The following SFMBT1 variants were observed in gnomAD, a reference collection of about 807,000 sequenced individuals.
SFMBT1 encodes scm-like with four MBT domains protein 1.
In SFMBT1, 32 loss-of-function variants were observed where a neutral mutation model predicts 108.7. The observed-to-expected ratio is 0.29, with a 90% confidence interval of 0.22 to 0.40. The LOEUF (loss-of-function observed/expected upper bound fraction) is 0.40, where lower values mean the gene tolerates loss of function less well. Ranked by LOEUF, SFMBT1 falls within the 10% of genes least tolerant of loss-of-function variation. SFMBT1 has a pLI of 1.00. For synonymous variants in SFMBT1, 348 were observed against 369.5 expected (o/e 0.94, Z 0.67); for missense variants, 816 against 1,059.6 (o/e 0.77, Z 3.19).
chr3:52,972,646 G>A (rs562866264), intron 1 of SFMBT1, among the ~76,000 whole-genome samples: 7 of 151,852 alleles, frequency 4.6e-5, no homozygotes, highest in East Asian at 1.9e-4. Context: ...GGTGGCTCAC[G>A]CCTGTAATCC....
At chr3:52,956,001 T>A (rs920470428) in intron 2 of SFMBT1, among the ~76,000 whole-genome samples, 2 of 152,200 alleles carry the variant, frequency 1.3e-5, no homozygotes, top group Admixed American at 1.3e-4. Flanking sequence ...AGAAAGCTTA[T>A]CTACCACAAT....
intron 4 of SFMBT1, among the ~76,000 whole-genome samples, chr3:52,940,397 A>T (rs929540690): frequency 6.6e-6 from 1 of 152,252 alleles, no homozygotes; most frequent in Non-Finnish European, 1.5e-5. Flanking sequence ...AGGACATATT[A>T]AAAGGATACA....
intron 1 of SFMBT1, among the ~76,000 whole-genome samples, chr3:52,995,391 T>G (rs1698288409): frequency 6.7e-6 from 1 of 150,110 alleles, no homozygotes; most frequent in African/African-American, 2.4e-5. Flanking sequence ...TGGCAAAGAA[T>G]TTTTATTTTT....
intron 5 of SFMBT1, among the ~76,000 whole-genome samples, chr3:52,934,063 G>T (rs115506377): frequency 7.9e-5 from 12 of 151,990 alleles, no homozygotes; most frequent in African/African-American, 2.7e-4. Flanking sequence ...CTCCAAAAAG[G>T]ATACAGAAAT....
rs376921444 is a variant in SFMBT1 at position 52,930,313 on chromosome 3, G to A, written c.897+16C>T. On this transcript the variant is annotated intron_variant, in intron 8 of 20. Transcript: ENST00000394752. The stretch of plus-strand genomic sequence containing the variant: ...CTTGACAGGGATTCTTACCAAGAGA[G>A]TTATCTCCATTTTACCTTAACAACT... 8 of 1,464,328 alleles carry A rather than the reference G, an allele frequency of 5.5e-6. No individual in the cohort carries two copies. Among genetic ancestry groups the A allele is most frequent in the Non-Finnish European group, 7.7e-6 (8 of 1,043,568 alleles). 90.7% of individuals were successfully genotyped at this position (1,464,328 alleles called of 1,614,324 possible).
chr3:53,012,826 C>G (rs1487863612), intron 1 of SFMBT1, among the ~76,000 whole-genome samples: 1 of 151,640 alleles, frequency 6.6e-6, no homozygotes, highest in Non-Finnish European at 1.5e-5. Flanking sequence ...AAATGGAAGA[C>G]ACAATTTAGT....
intron 3 of SFMBT1, among the ~76,000 whole-genome samples, chr3:52,950,932 A>G (rs1454745305): frequency 6.6e-6 from 1 of 151,702 alleles, no homozygotes; most frequent in East Asian, 1.9e-4. Context: ...TGGGCAACAT[A>G]GCAAGACCCA....
At chr3:52,986,854 C>T (rs991910809) in intron 1 of SFMBT1, among the ~76,000 whole-genome samples, 2 of 150,760 alleles carry the variant, frequency 1.3e-5, no homozygotes, top group Middle Eastern at 3.3e-3. Context: ...GCAGGAGAAT[C>T]GCTTGAACCC....
At position 52,907,275 on chromosome 3, in the gene SFMBT1, C is replaced by T; in HGVS notation, c.2125G>A (p.Asp709Asn). Residue 709 changes from aspartate (D) to asparagine (N), a missense_variant, in exon 19 of 21, where the codon GAT becomes AAT. Asp to Asn is a conservative substitution (Grantham distance 23, BLOSUM62 1). Coordinates refer to ENST00000394752, the MANE Select transcript of SFMBT1 (RefSeq NM_016329.4). ...GEDEDDPDEGDDDSLSEGSTS... is the reference protein window; with the variant it reads ...GEDEDDPDEGNDDSLSEGSTS... ...CTGCCTTCACTTAGGGAATCATCAT[C>T]CCCTTCATCTGGGTCATCCTCATCT... 1 of 1,613,960 alleles carries T rather than the reference C, an allele frequency of 6.2e-7. No individual in the cohort carries two copies. Among genetic ancestry groups the T allele is most frequent in the Non-Finnish European group, 8.5e-7 (1 of 1,180,016 alleles).
chr3:52,975,040 G>A (rs970348665), intron 1 of SFMBT1, among the ~76,000 whole-genome samples: 2 of 151,238 alleles, frequency 1.3e-5, no homozygotes, highest in African/African-American at 4.9e-5. Flanking sequence ...ACCTTTTCAT[G>A]ATTTTATAAA....
chr3:52,977,072 C>T (rs1440630186), intron 1 of SFMBT1, among the ~76,000 whole-genome samples: 1 of 152,164 alleles, frequency 6.6e-6, no homozygotes, highest in Non-Finnish European at 1.5e-5. Flanking sequence ...AGAAAAATAT[C>T]CTGAGACAAC....
In SFMBT1 at chr3:52,983,423, A is replaced by G. The variant is rs145435139; in HGVS notation, c.-130-14165T>C. 1.5e-3 allele frequency among the ~76,000 whole-genome samples: 236 copies of G among 152,308 alleles called. 1 individual carries two copies. The highest frequency in any genetic ancestry group is 5.4e-3 in the African/African-American group (225 of 41,554). On this transcript the variant is annotated intron_variant, in intron 1 of 20. Transcript: ENST00000394752. ...CTGGTCAACAGTAGGCTATTAGTAAAGTTTTTGAGAAGTCAAAAGTTATAT... is the reference window on the plus strand; with the variant it reads ...CTGGTCAACAGTAGGCTATTAGTAAGGTTTTTGAGAAGTCAAAAGTTATAT...
At chr3:52,987,176 C>G (rs1704952311) in intron 1 of SFMBT1, among the ~76,000 whole-genome samples, 1 of 152,004 alleles carries the variant, frequency 6.6e-6, no homozygotes, top group African/African-American at 2.4e-5. Context: ...TTCTGGAATA[C>G]CTCCTGAAGG....
intron 2 of SFMBT1, among the ~76,000 whole-genome samples, chr3:52,958,598 A>AC (rs1703861743): frequency 6.6e-6 from 1 of 152,114 alleles, no homozygotes; most frequent in Non-Finnish European, 1.5e-5. Flanking sequence ...CTCAAAAAAA[A>AC]TAAATTAAAT....
intron 1 of SFMBT1, among the ~76,000 whole-genome samples, chr3:53,029,929 C>G (rs533685765): frequency 1.1e-4 from 16 of 151,964 alleles, no homozygotes; most frequent in African/African-American, 2.7e-4. Context: ...AACAGTCTAC[C>G]CCCACAAATA....
chr3:53,025,514 A>G (rs919253280), intron 1 of SFMBT1, among the ~76,000 whole-genome samples: 2 of 152,134 alleles, frequency 1.3e-5, no homozygotes, highest in Admixed American at 6.6e-5. Context: ...CTACTTGGGA[A>G]GCTGAGGTGA....
chr3:52,921,524 TG>T (rs1702518842), intron 11 of SFMBT1, among the ~76,000 whole-genome samples, 180 bp downstream of exon 11: 1 of 152,240 alleles, frequency 6.6e-6, no homozygotes, highest in African/African-American at 2.4e-5. Flanking sequence ...TCCTAAAATT[TG>T]GAATTTGAAA....
intron 4 of SFMBT1, among the ~76,000 whole-genome samples, chr3:52,938,274 A>G (rs913467529): frequency 6.6e-6 from 1 of 152,250 alleles, no homozygotes; most frequent in Non-Finnish European, 1.5e-5. Context: ...GAGTATGCCC[A>G]GTAACACTTA....
In SFMBT1 at chr3:52,921,744, T is replaced by C. The variant is rs1702525825; in HGVS notation, c.1219A>G (p.Thr407Ala). The stretch of plus-strand genomic sequence containing the variant: ...CACAGGTAGGAGCCTCTCACTGCAG[T>C]GATGGTAGCAACACACACTTCTTCA... ...LPEEVCVATI[T>A]AVRGSYLWLQ... The change falls in exon 11 of 21, where the codon ACT becomes GCT. Residue 407 changes from threonine to alanine, a missense_variant. By Grantham distance (58) the Thr-to-Ala change is moderately conservative. Transcript: ENST00000394752. 1 of 1,614,124 alleles carries C rather than the reference T, an allele frequency of 6.2e-7. No individual in the cohort carries two copies. Among genetic ancestry groups the C allele is most frequent in the East Asian group, 2.2e-5 (1 of 44,872 alleles).
Sources: allele counts gnomAD v4.1 joint callset (sites outside exome capture counted in the v4.1 genomes callset), GRCh38; gene constraint gnomAD v4.1.1; transcripts MANE v1.5; gene names NCBI Gene and HGNC (gene_info 2026-07-23, HGNC 2026-07-21).